KLHL14: variants seen among roughly 807,000 people sequenced by gnomAD.
The protein encoded by KLHL14 is kelch like family member 14, also known as kelch-like protein 14.
A neutral mutation model predicts 64.3 loss-of-function variants in KLHL14; 22 were observed. The ratio of observed to expected loss-of-function variants is 0.34; its 90% CI spans 0.24 to 0.49. The LOEUF is 0.49. Ranked by LOEUF, KLHL14 falls within the 20% of genes least tolerant of loss-of-function variation. The probability of loss-of-function intolerance (pLI) is 0.99; values close to 1 mark genes in which losing one functional copy is unlikely to be tolerated. For synonymous variants in KLHL14, 322 were observed against 333.4 expected (o/e 0.97, Z 0.37); for missense variants, 661 against 789.0 (o/e 0.84, Z 1.94).
intron 2 of KLHL14, chr18:32,744,010 T>A (rs1321585328): frequency 6.6e-6 from 1 of 152,168 alleles, no homozygotes; most frequent in Non-Finnish European, 1.5e-5. Context: ...GAAGTCACGA[T>A]TCTGTGACTG....
intron 4 of KLHL14, among the ~76,000 whole-genome samples, chr18:32,693,763 C>G (rs1409181882): frequency 6.6e-6 from 1 of 152,130 alleles, no homozygotes; most frequent in African/African-American, 2.4e-5. Context: ...AACCCAACTG[C>G]TGTTCCTCTC....
chr18:32,763,286 T>C (rs2144190956), intron 2 of KLHL14, among the ~76,000 whole-genome samples: 1 of 152,300 alleles, frequency 6.6e-6, no homozygotes, highest in East Asian at 1.9e-4. Flanking sequence ...ACCAGAAGGA[T>C]AGAATTCTGG....
chr18:32,723,323 C>T (rs1424125815), intron 3 of KLHL14, among the ~76,000 whole-genome samples: 2 of 152,166 alleles, frequency 1.3e-5, no homozygotes, highest in African/African-American at 4.8e-5. Flanking sequence ...GATTTTGACC[C>T]TACAGATGTA....
intron 2 of KLHL14, among the ~76,000 whole-genome samples, chr18:32,760,170 CT>C (rs1446127143): frequency 6.6e-6 from 1 of 152,122 alleles, no homozygotes; most frequent in East Asian, 1.9e-4. Flanking sequence ...ACCCTCCAGC[CT>C]AATAATTCCT....
rs1031420991 is a variant in KLHL14, at chr18:32,673,819, T to C, written c.*838A>G. On this transcript the variant is annotated 3_prime_UTR_variant, in exon 9 of 9. Coordinates refer to ENST00000359358, the MANE Select transcript of KLHL14 (RefSeq NM_020805.3). ...ATATCATCTAACAGAATCTCTAAAATAGTATTGACTGAATTTGTCAATCCT... is the reference window on the plus strand; with the variant it reads ...ATATCATCTAACAGAATCTCTAAAACAGTATTGACTGAATTTGTCAATCCT... The C allele has an allele frequency of 2.6e-5, 4 of 152,208 alleles. No individual in the cohort carries two copies. The highest frequency in any genetic ancestry group is 7.2e-5 in the African/African-American group (3 of 41,452). The allele number at this position is 152,208 out of a possible 1,614,324, so 9.4% of individuals were successfully genotyped here. A position where few individuals can be genotyped will look rare whatever the true frequency, so the allele number is the denominator to read the frequency against.
At chr18:32,691,481 C>T (rs1465628434) in intron 4 of KLHL14, among the ~76,000 whole-genome samples, 1 of 152,120 alleles carries the variant, frequency 6.6e-6, no homozygotes, top group Non-Finnish European at 1.5e-5. Context: ...GAGTTCAAGG[C>T]AGCAGTAAGC....
intron 3 of KLHL14, among the ~76,000 whole-genome samples, chr18:32,698,067 A>G (rs1019927055): frequency 2.0e-5 from 3 of 152,212 alleles, no homozygotes; most frequent in African/African-American, 4.8e-5. Flanking sequence ...TAAAAAATCT[A>G]TATTCAATCA....
chr18:32,772,981 T>C lies in KLHL14; in HGVS notation c.-358A>G. ...AATTATGCTACCAAGAAACAACACA[T>C]CATTATCCTTGGGCCTGGGGCTCAG... On this transcript the variant is annotated 5_prime_UTR_variant, in exon 1 of 9. It removes an upstream start codon present in the reference 5' UTR. Transcript: ENST00000359358. 1 of 190,768 alleles carries C rather than the reference T, an allele frequency of 5.2e-6. No individual in the cohort carries two copies. Among genetic ancestry groups the C allele is most frequent in the Non-Finnish European group, 1.1e-5 (1 of 89,544 alleles). The allele number at this position is 190,768 out of a possible 1,614,324, so 11.8% of individuals were successfully genotyped here.
chr18:32,723,368 T>C (rs2050089535), intron 3 of KLHL14, among the ~76,000 whole-genome samples: 1 of 152,174 alleles, frequency 6.6e-6, no homozygotes, highest in Non-Finnish European at 1.5e-5. Context: ...GTTCTTCCAC[T>C]CCAGTGGTAC....
At chr18:32,757,645 TTA>T (rs1164864226) in intron 2 of KLHL14, among the ~76,000 whole-genome samples, 11 of 152,238 alleles carry the variant, frequency 7.2e-5, no homozygotes, top group Admixed American at 6.5e-4. Flanking sequence ...AAAATATTTC[TTA>T]TGTGTCTTTA....
chr18:32,690,018 T>G (rs79893911), intron 4 of KLHL14, among the ~76,000 whole-genome samples: 3,212 of 152,178 alleles, frequency 0.021, 91 homozygotes, highest in African/African-American at 0.067. Flanking sequence ...ATTTAGCTAC[T>G]CAGGGGCAGG....
At chr18:32,733,956 GT>G (rs1364005941) in intron 3 of KLHL14, 1 of 568,000 alleles carries the variant, frequency 1.8e-6, no homozygotes, top group African/African-American at 1.9e-5. Flanking sequence ...TTTCTCTTTA[GT>G]TTATTCATTC....
Position 32,680,331 on chromosome 18 carries a change from T to G in KLHL14, c.1430-4A>C, listed in dbSNP as rs2049831997. Reference sequence around the variant, plus strand: ...TATTCTCCATTGTGTACACCCCCTGTGAAATAAACATAGACATACAAGTCA... The same window carrying G: ...TATTCTCCATTGTGTACACCCCCTGGGAAATAAACATAGACATACAAGTCA... On this transcript the variant is annotated splice_polypyrimidine_tract_variant and splice_region_variant and intron_variant, in intron 6 of 8. Transcript: ENST00000359358. The surrounding 1 kb of genome is among the most constrained non-coding windows in gnomAD (Gnocchi z 4.8). 6.2e-7 allele frequency: 1 copy of G among 1,613,742 alleles called. No individual in the cohort carries two copies. The highest frequency in any genetic ancestry group is 8.5e-7 in the Non-Finnish European group (1 of 1,179,718).
At chr18:32,694,997 G>A (rs917653192) in intron 4 of KLHL14, among the ~76,000 whole-genome samples, 2 of 152,228 alleles carry the variant, frequency 1.3e-5, no homozygotes, top group Non-Finnish European at 1.5e-5. Context: ...TGGAATGGAT[G>A]TTGAGTAATA....
intron 7 of KLHL14, among the ~76,000 whole-genome samples, chr18:32,678,413 T>TTC (rs1907296581): frequency 6.6e-6 from 1 of 152,138 alleles, no homozygotes; most frequent in South Asian, 2.1e-4. Context: ...GGTAGACAGG[T>TTC]TATTTCGGTT....
At chr18:32,694,476 C>G (rs1337447029) in intron 4 of KLHL14, among the ~76,000 whole-genome samples, 1 of 152,208 alleles carries the variant, frequency 6.6e-6, no homozygotes, top group Non-Finnish European at 1.5e-5. Context: ...CATCTTCTTT[C>G]CAACACTAGA....
chr18:32,733,061 GAAAGGA>G (rs2144521850), intron 3 of KLHL14, among the ~76,000 whole-genome samples: 1 of 152,262 alleles, frequency 6.6e-6, no homozygotes, highest in Admixed American at 6.5e-5. Context: ...GAGCAGTATT[GAAAGGA>G]AACAGAGTCC....
chr18:32,674,614 G>A lies in KLHL14; in HGVS notation c.*43C>T. On this transcript the variant is annotated 3_prime_UTR_variant, in exon 9 of 9. Transcript: ENST00000359358. ...TATAATAGTGATGTCACCTGCCATT[G>A]CTTCCTAGAATGTGATACTGTTCAT... 1 of 769,408 alleles carries A rather than the reference G, an allele frequency of 1.3e-6. No individual in the cohort carries two copies. The allele number at this position is 769,408 out of a possible 1,614,324, so 47.7% of individuals were successfully genotyped here.
chr18:32,728,185 A>G (rs1388478973), intron 3 of KLHL14, among the ~76,000 whole-genome samples: 1 of 152,212 alleles, frequency 6.6e-6, no homozygotes, highest in East Asian at 1.9e-4. Flanking sequence ...ATGCTGAAGT[A>G]GCCTGTCTCG....
Sources: allele counts gnomAD v4.1 joint callset (sites outside exome capture counted in the v4.1 genomes callset), GRCh38; gene constraint gnomAD v4.1.1; non-coding constraint Gnocchi (gnomAD v3.1); transcripts MANE v1.5; gene names NCBI Gene and HGNC (gene_info 2026-07-23, HGNC 2026-07-21).